Variants in ATF6 observed in about 807,000 individuals in gnomAD.
The protein encoded by ATF6 is cyclic AMP-dependent transcription factor ATF-6 alpha.
ATF6 carries 53 observed loss-of-function variants against 83.6 expected under a neutral mutation model. The ratio of observed to expected loss-of-function variants is 0.63; its 90% CI spans 0.51 to 0.80. The LOEUF is 0.80. Among genes scored for constraint, ATF6 ranks in the 30% least tolerant of loss-of-function variants. The pLI is 0.00. For synonymous variants in ATF6, 288 were observed against 285.8 expected (o/e 1.01, Z -0.08); for missense variants, 744 against 797.9 (o/e 0.93, Z 0.81).
intron 6 of ATF6, among the ~76,000 whole-genome samples, chr1:161,796,205 T>C (rs10917955): frequency 0.097 from 14,729 of 152,292 alleles, 1,275 homozygotes; most frequent in East Asian, 0.31. Flanking sequence ...CTGTACATGT[T>C]ATCTGCTAGG....
intron 15 of ATF6, among the ~76,000 whole-genome samples, chr1:161,924,280 G>C (rs1688267767): frequency 6.6e-6 from 1 of 152,164 alleles, no homozygotes; most frequent in Non-Finnish European, 1.5e-5. Flanking sequence ...TCTGCAAGCT[G>C]AGGATGGCCA....
chr1:161,907,113 C>T (rs565535872), intron 14 of ATF6, among the ~76,000 whole-genome samples: 1 of 152,228 alleles, frequency 6.6e-6, no homozygotes, highest in African/African-American at 2.4e-5. Context: ...TCAGGAATTA[C>T]TATAACTACT....
At chr1:161,837,708 C>T (rs16852533) in intron 9 of ATF6, among the ~76,000 whole-genome samples, 1,980 of 151,088 alleles carry the variant, frequency 0.013, 48 homozygotes, top group African/African-American at 0.045. Flanking sequence ...GGTGAAGATT[C>T]TTAGTTGTGG....
In ATF6 at chr1:161,912,373, C is replaced by T. The variant is rs754953264; in HGVS notation, c.1797C>T (p.Asn599=). The T allele has an allele frequency of 6.2e-7, 1 of 1,605,254 alleles. No homozygotes were observed. The highest frequency in any genetic ancestry group is 1.7e-5 in the Admixed American group (1 of 59,168). ...TGTCAATTGTGTTACCAGCAATAAACATAAATGGTAAGTTGAAATTCTGAT... is the reference window on the plus strand; with the variant it reads ...TGTCAATTGTGTTACCAGCAATAAATATAAATGGTAAGTTGAAATTCTGAT... The part of the protein sequence containing the change: ...PKMSIVLPAI[N]INENVINGQD... The change falls in exon 15 of 16, where the codon AAC becomes AAT. Residue 599 remains asparagine, a synonymous_variant. Transcript: ENST00000367942.
intron 8 of ATF6, among the ~76,000 whole-genome samples, chr1:161,820,577 C>A (rs1685729785): frequency 1.3e-5 from 2 of 151,992 alleles, no homozygotes; most frequent in African/African-American, 4.8e-5. Flanking sequence ...ATAGTGAAAC[C>A]CCATCTCTAC....
chr1:161,786,092 C>T (rs1684742366), intron 4 of ATF6, among the ~76,000 whole-genome samples: 1 of 61,056 alleles, frequency 1.6e-5, no homozygotes, highest in Admixed American at 1.7e-4. Flanking sequence ...CCTGCCTCCT[C>T]AGCCTCCCGA....
chr1:161,853,264 G>A lies in ATF6; in HGVS notation c.1474G>A (p.Val492Ile), dbSNP rs1157251008. 5 of 1,613,786 alleles carry A rather than the reference G, an allele frequency of 3.1e-6. No individual in the cohort carries two copies. Among genetic ancestry groups the A allele is most frequent in the Non-Finnish European group, 4.2e-6 (5 of 1,179,710 alleles). Residue 492 changes from valine to isoleucine, a missense_variant, in exon 12 of 16, where the codon GTA (valine) becomes ATA (isoleucine). Physicochemically the swap from Val to Ile is conservative, Grantham distance 29. Transcript: ENST00000367942. Reference sequence around the variant, plus strand: ...TCGAGGATGGGTTCATAGACATGAAGTAGAAAGGACCAAGTCAAGAAGAAT... The same window carrying A: ...TCGAGGATGGGTTCATAGACATGAAATAGAAAGGACCAAGTCAAGAAGAAT... ...ELRGWVHRHEVERTKSRRMTN... is the reference protein window; with the variant it reads ...ELRGWVHRHEIERTKSRRMTN...
chr1:161,811,172 A>G (rs1685445634), intron 7 of ATF6, among the ~76,000 whole-genome samples: 2 of 152,238 alleles, frequency 1.3e-5, no homozygotes, highest in South Asian at 4.1e-4. Context: ...GACAATATAT[A>G]CGAATAGATA....
At chr1:161,782,365 A>G (rs576339611) in intron 3 of ATF6, among the ~76,000 whole-genome samples, 2 of 152,350 alleles carry the variant, frequency 1.3e-5, no homozygotes, top group East Asian at 1.9e-4. Flanking sequence ...GAGGAGTCCC[A>G]TGCATTTAAT....
chr1:161,770,299 A>C (rs898792291), intron 1 of ATF6, among the ~76,000 whole-genome samples: 2 of 152,240 alleles, frequency 1.3e-5, no homozygotes, highest in Non-Finnish European at 2.9e-5. Flanking sequence ...AATACTATTT[A>C]CAGTGTTACA....
intron 12 of ATF6, among the ~76,000 whole-genome samples, chr1:161,858,758 C>CAA (rs1197673871): frequency 2.0e-5 from 3 of 152,138 alleles, no homozygotes; most frequent in African/African-American, 4.8e-5. Flanking sequence ...GCTGAAAATG[C>CAA]AAAAGCTCAT....
intron 2 of ATF6, among the ~76,000 whole-genome samples, chr1:161,779,094 A>C (rs1645735953): frequency 6.6e-6 from 1 of 152,214 alleles, no homozygotes; most frequent in African/African-American, 2.4e-5. Context: ...ATTAATCGAC[A>C]GAAGAGAATG....
intron 14 of ATF6, among the ~76,000 whole-genome samples, chr1:161,864,857 T>A (rs767837060): frequency 1.3e-4 from 20 of 152,328 alleles, no homozygotes; most frequent in Middle Eastern, 3.4e-3. Flanking sequence ...ATTGACACAA[T>A]TATGTTCAAA....
At chr1:161,776,567 G>T (rs1684519186) in intron 1 of ATF6, among the ~76,000 whole-genome samples, 1 of 151,570 alleles carries the variant, frequency 6.6e-6, no homozygotes, top group Non-Finnish European at 1.5e-5. Flanking sequence ...TTTTCTGGTA[G>T]ATTGATTATG....
At chr1:161,794,431 C>T (rs914687198) in intron 6 of ATF6, among the ~76,000 whole-genome samples, 11 of 152,090 alleles carry the variant, frequency 7.2e-5, no homozygotes, top group Non-Finnish European at 1.5e-4. Flanking sequence ...GAATGTAAAA[C>T]TCTTCACAAT....
At chr1:161,870,522 G>T (rs1037775020) in intron 14 of ATF6, among the ~76,000 whole-genome samples, 19 of 151,662 alleles carry the variant, frequency 1.3e-4, no homozygotes, top group African/African-American at 4.1e-4. Context: ...TGGGGTTTTT[G>T]TGTGTGTAAA....
chr1:161,958,923 T>A lies in ATF6; in HGVS notation c.*269T>A, dbSNP rs1689024555. The A allele has an allele frequency of 3.3e-6, 1 of 302,780 alleles. No homozygotes were observed. Among genetic ancestry groups the A allele is most frequent in the Non-Finnish European group, 6.1e-6 (1 of 163,670 alleles). 18.8% of individuals were successfully genotyped at this position (302,780 alleles called of 1,614,324 possible). On this transcript the variant is annotated 3_prime_UTR_variant, in exon 16 of 16. Coordinates refer to ENST00000367942, the MANE Select transcript of ATF6 (RefSeq NM_007348.4). ...CCTCCAGTGTTACCTGGTGTAGATT[T>A]TTTTTTCTGTACCTTTCTAAACCTC...
rs1457699115 is a variant in ATF6 at position 161,784,011 on chromosome 1, C to T, written c.269C>T (p.Pro90Leu). 10 of 1,613,016 alleles carry T rather than the reference C, an allele frequency of 6.2e-6. No homozygotes were observed. The highest frequency in any genetic ancestry group is 8.5e-6 in the Non-Finnish European group (10 of 1,179,150). ...ICTVKDIKAEPQPLSPASSSY... is the reference protein window; with the variant it reads ...ICTVKDIKAELQPLSPASSSY... ...CCAGTTAAAGATATTAAGGCAGAAC[C>T]TCAGCCACTTTCTCCAGCCTCCTCA... Residue 90 changes from proline to leucine, a missense_variant, in exon 4 of 16, where the codon CCT (proline) becomes CTT (leucine). By Grantham distance (98) the Pro-to-Leu change is moderately conservative (BLOSUM62 -3). Transcript: ENST00000367942.
At chr1:161,897,139 A>G (rs1326472130) in intron 14 of ATF6, among the ~76,000 whole-genome samples, 1 of 152,184 alleles carries the variant, frequency 6.6e-6, no homozygotes, top group Non-Finnish European at 1.5e-5. Context: ...ACTGAATTAA[A>G]TATTATGTAA....
Sources: allele counts gnomAD v4.1 joint callset (sites outside exome capture counted in the v4.1 genomes callset), GRCh38; gene constraint gnomAD v4.1.1; transcripts MANE v1.5; gene names NCBI Gene and HGNC (gene_info 2026-07-23, HGNC 2026-07-21).